Variants in USP7 observed in about 807,000 individuals in gnomAD.
USP7 encodes the protein ubiquitin C-terminal hydrolase 7.
In USP7, 9 loss-of-function variants were observed where a neutral mutation model predicts 162.9. The observed-to-expected ratio is 0.06, with a 90% CI of 0.03 to 0.10. USP7 has a LOEUF of 0.10. Ranked by LOEUF, USP7 falls within the 10% of genes least tolerant of loss-of-function variation. USP7 has a pLI of 1.00. For missense variants in USP7, 715 were observed against 1,373.7 expected (o/e 0.52, Z 7.58); for synonymous variants, 562 against 475.9 (o/e 1.18, Z -2.35).
chr16:8,894,090 G>T lies in USP7; in HGVS notation c.3217C>A (p.Pro1073Thr). The change falls in exon 31 of 31, where the codon CCT becomes ACT. Residue 1073 changes from proline to threonine, a missense_variant. Transcript: ENST00000344836. The part of the protein sequence containing the change: ...FEPQPGNMSH[P>T]RPWLGLDHFN... ...TGGTCGAGCCCTAGCCAAGGCCGAG[G>T]ATGAGACATATTACCTGGTGGGGAT... 1 of 1,614,182 alleles carries T rather than the reference G, an allele frequency of 6.2e-7. No homozygotes were observed. The highest frequency in any genetic ancestry group is 8.5e-7 in the Non-Finnish European group (1 of 1,180,016).
At chr16:8,901,558 G>A (rs897010366) in intron 18 of USP7, among the ~76,000 whole-genome samples, 2 of 152,164 alleles carry the variant, frequency 1.3e-5, no homozygotes, top group Admixed American at 6.6e-5. Context: ...GCGTTGCCAC[G>A]GGAAGATTGC....
At chr16:8,912,385 G>A (rs528992524) in intron 10 of USP7, among the ~76,000 whole-genome samples, 4 of 151,932 alleles carry the variant, frequency 2.6e-5, no homozygotes, top group Admixed American at 6.6e-5. Flanking sequence ...AGGAGACAAA[G>A]GTTGTAGTGA....
intron 2 of USP7, chr16:8,929,235 A>G (rs1000351298): frequency 9.0e-6 from 3 of 332,068 alleles, no homozygotes; most frequent in Admixed American, 4.1e-5. Flanking sequence ...CGCTTTCGGC[A>G]TCTCAGATGT....
intron 1 of USP7, among the ~76,000 whole-genome samples, chr16:8,952,484 G>A (rs891737433): frequency 7.9e-5 from 12 of 152,090 alleles, no homozygotes; most frequent in Admixed American, 4.6e-4. Flanking sequence ...GAGGTTCTAG[G>A]GGGAAATGTT....
Position 8,947,351 on chromosome 16 carries a change from C to A in USP7, c.79+15856G>T, listed in dbSNP as rs185905640. ...TTATTGTTTTTCCACAGCACTCCCC[C>A]CCCCAACACACACACACACAGGGTC... On this transcript the variant is annotated intron_variant, in intron 1 of 30. Transcript: ENST00000344836. Among the ~76,000 whole-genome samples the A allele has an allele frequency of 5.4e-4, 82 of 151,028 alleles. 1 individual carries two copies. The East Asian group carries it at 0.013, about 23-fold the overall frequency.
chr16:8,895,669 A>G lies in USP7; in HGVS notation c.2892T>C (p.Pro964=), dbSNP rs1254532626. 2 of 1,613,282 alleles carry G rather than the reference A, an allele frequency of 1.2e-6. No homozygotes were observed. The highest frequency in any genetic ancestry group is 1.7e-6 in the Non-Finnish European group (2 of 1,179,814). ...CTATTCGAAACGTCCGGCTCGTTGC[A>G]GGAGATAAACATTCTAATAGTTCAT... is the stretch of plus-strand genomic sequence containing the variant. ...QEDELLECLS[P]ATSRTFRIEE... The change falls in exon 27 of 31, where the codon CCT becomes CCC. Residue 964 remains proline (P), a synonymous_variant. Transcript: ENST00000344836.
chr16:8,908,457 A>G lies in USP7; in HGVS notation c.1162-7T>C. 6.2e-7 allele frequency: 1 copy of G among 1,604,364 alleles called. No homozygotes were observed. The highest frequency in any genetic ancestry group is 8.5e-7 in the Non-Finnish European group (1 of 1,175,636). ...TCACACCTTTCTCTGCTTCCTAAACATTGAAAAACAAATGCAAATGTAGTT... is the reference window on the plus strand; with the variant it reads ...TCACACCTTTCTCTGCTTCCTAAACGTTGAAAAACAAATGCAAATGTAGTT... On this transcript the variant is annotated splice_polypyrimidine_tract_variant and splice_region_variant and intron_variant, in intron 11 of 30. Coordinates refer to ENST00000344836, the MANE Select transcript of USP7 (RefSeq NM_003470.3).
intron 1 of USP7, among the ~76,000 whole-genome samples, chr16:8,952,838 C>CTT (rs548309636): frequency 1.4e-4 from 20 of 145,340 alleles, no homozygotes; most frequent in African/African-American, 3.8e-4. Context: ...ACCACACTCG[C>CTT]TTTTTTTTTT....
intron 10 of USP7, among the ~76,000 whole-genome samples, chr16:8,911,754 C>T (rs1326801476): frequency 3.9e-5 from 6 of 152,186 alleles, no homozygotes; most frequent in Non-Finnish European, 7.3e-5. Flanking sequence ...GCCCAGAAAG[C>T]GAGATCTGGG....
chr16:8,922,318 G>A (rs1180091450), intron 3 of USP7, among the ~76,000 whole-genome samples: 1 of 152,136 alleles, frequency 6.6e-6, no homozygotes, highest in Non-Finnish European at 1.5e-5. Context: ...GTGAAACCCC[G>A]TCCCTATGAA....
chr16:8,959,301 T>C (rs1233039219), intron 1 of USP7, among the ~76,000 whole-genome samples: 1 of 151,822 alleles, frequency 6.6e-6, no homozygotes, highest in Admixed American at 6.6e-5. Flanking sequence ...CCACAGTCTG[T>C]TATACCATGA....
chr16:8,895,864 T>C (rs1158083132), intron 26 of USP7, 123 bp from the exon 27 acceptor site: 14 of 645,728 alleles, frequency 2.2e-5, no homozygotes. Flanking sequence ...TTTGAGACAG[T>C]CTCAATCTGT....
At position 8,927,507 on chromosome 16, in the gene USP7, T is replaced by C. The variant is rs181733580; in HGVS notation, c.184+2786A>G. The stretch of plus-strand genomic sequence containing the variant: ...CAAATTAGTTTCATGGAGAACAACA[T>C]TCTAAATCTAGATCCATCTAGATCT... On this transcript the variant is annotated intron_variant, in intron 2 of 30. Transcript: ENST00000344836. Among the ~76,000 whole-genome samples, 18 of 152,224 alleles carry C rather than the reference T, an allele frequency of 1.2e-4. No individual in the cohort carries two copies. The East Asian group carries it at 3.5e-3, about 29-fold the overall frequency.
In USP7 at chr16:8,930,228, T is replaced by C. The variant is rs1337406064; in HGVS notation, c.184+65A>G. 15 of 1,288,908 alleles carry C rather than the reference T, an allele frequency of 1.2e-5. No homozygotes were observed. The Admixed American group carries it at 1.6e-4, about 13-fold the overall frequency. 79.8% of individuals were successfully genotyped at this position (1,288,908 alleles called of 1,614,324 possible). A position where few individuals can be genotyped will look rare whatever the true frequency, so the allele number is the denominator to read the frequency against. On this transcript the variant is annotated intron_variant, in intron 2 of 30. Coordinates refer to ENST00000344836, the MANE Select transcript of USP7 (RefSeq NM_003470.3). ...GGATGTACCCAAGAAGTACCAAGCA[T>C]GGATCTGAACCTGTTTTCTGACAAG...
chr16:8,935,178 C>T (rs896462010), intron 1 of USP7, among the ~76,000 whole-genome samples: 5 of 151,384 alleles, frequency 3.3e-5, no homozygotes, highest in Non-Finnish European at 5.9e-5. Context: ...CTGATTTGGC[C>T]AAACACTTGA....
intron 12 of USP7, among the ~76,000 whole-genome samples, chr16:8,907,159 T>G (rs2061873576): frequency 6.6e-6 from 1 of 152,256 alleles, no homozygotes; most frequent in Admixed American, 6.5e-5. Context: ...TGGCCTCAAG[T>G]TGCCAAACCT....
intron 1 of USP7, 143 bp downstream of exon 1, chr16:8,963,064 C>G: frequency 1.4e-6 from 1 of 707,934 alleles, no homozygotes; most frequent in Non-Finnish European, 1.8e-6. Flanking sequence ...CCTCGCAGGC[C>G]GGGGCCGGGA....
chr16:8,901,882 T>C (rs918467070), intron 18 of USP7, 200 bp downstream of exon 18: 56 of 589,074 alleles, frequency 9.5e-5, no homozygotes, highest in African/African-American at 9.2e-4. Flanking sequence ...ACGTGGCTGC[T>C]ACTGTCTCCG....
chr16:8,937,656 T>C (rs1302813539), intron 1 of USP7, among the ~76,000 whole-genome samples: 1 of 152,126 alleles, frequency 6.6e-6, no homozygotes, highest in East Asian at 1.9e-4. Flanking sequence ...CATTCCAGCC[T>C]GGGCAACAAA....
Sources: gnomAD v4.1 joint callset for allele counts (sites outside exome capture counted in the v4.1 genomes callset) on GRCh38, gnomAD v4.1.1 for gene constraint, MANE v1.5 for transcripts, NCBI Gene and HGNC (gene_info 2026-07-23, HGNC 2026-07-21) for gene names.